RPL36A: variants seen among roughly 807,000 people sequenced by gnomAD.
RPL36A encodes the protein large ribosomal subunit protein eL42.
For synonymous variants in RPL36A, 25 were observed against 28.5 expected, an observed-to-expected ratio of 0.88 and a Z score of 0.39; for missense variants, 20 against 81.0, an observed-to-expected ratio of 0.25 and a Z score of 2.89.
In RPL36A at chrX:101,396,025, A is replaced by G; in HGVS notation, c.*277A>G. The G allele has an allele frequency of 3.0e-6, 1 of 330,064 alleles. No individual in the cohort carries two copies. 27.2% of individuals were successfully genotyped at this position (330,064 alleles called of 1,213,427 possible). ...TGGTTATTGGTTATCATGTGAGTAGACACATTTCAGGCTAATAGGGAGAAG... is the reference window on the plus strand; with the variant it reads ...TGGTTATTGGTTATCATGTGAGTAGGCACATTTCAGGCTAATAGGGAGAAG... On this transcript the variant is annotated 3_prime_UTR_variant, in exon 5 of 5. Coordinates refer to ENST00000553110, the MANE Select transcript of RPL36A (RefSeq NM_021029.6).
At position 101,395,929 on chromosome X, in the gene RPL36A, CA is replaced by C; in HGVS notation, c.*182del. On this transcript the variant is annotated 3_prime_UTR_variant, in exon 5 of 5. Coordinates refer to ENST00000553110, the MANE Select transcript of RPL36A (RefSeq NM_021029.6). Reference sequence around the variant, plus strand: ...TGAAGCTGACTGGTTGAGTTCACATCATATGTTGCAATTTTCTAATTTGGCA... The same window carrying C: ...TGAAGCTGACTGGTTGAGTTCACATCTATGTTGCAATTTTCTAATTTGGCA... 1 of 437,478 alleles carries C rather than the reference CA, an allele frequency of 2.3e-6. No homozygotes were observed. Among genetic ancestry groups the C allele is most frequent in the East Asian group, 3.8e-5 (1 of 26,075 alleles). The allele number at this position is 437,478 out of a possible 1,213,427, so 36.1% of individuals were successfully genotyped here.
At chrX:101,392,525 T>A (rs782791862) in intron 3 of RPL36A, 4 of 754,179 alleles carry the variant, frequency 5.3e-6, no homozygotes, top group East Asian at 3.0e-4. Flanking sequence ...ATGCTTTTTT[T>A]ATACCTTTTC....
At chrX:101,391,957 G>A (rs919766803) in intron 3 of RPL36A, 135 bp downstream of exon 3, 71 of 1,181,691 alleles carry the variant, frequency 6.0e-5, no homozygotes, top group Non-Finnish European at 7.6e-5. Context: ...ATATCTAGTA[G>A]GTGATGGAGC....
Position 101,396,011 on chromosome X carries a change from TATC to T in RPL36A, c.*266_*268del, listed in dbSNP as rs782290979. On this transcript the variant is annotated 3_prime_UTR_variant, in exon 5 of 5. Coordinates refer to ENST00000553110, the MANE Select transcript of RPL36A (RefSeq NM_021029.6). ...TTGTCATTATGCAATGGTTATTGGT[TATC>T]ATGTGAGTAGACACATTTCAGGCTA... The T allele has an allele frequency of 2.9e-3, 996 of 347,685 alleles. 7 individuals carry two copies. The highest frequency in any genetic ancestry group is 0.019 in the Middle Eastern group (24 of 1,259). The allele number at this position is 347,685 out of a possible 1,213,427, so 28.7% of individuals were successfully genotyped here.
chrX:101,393,333 A>G (rs782670043), intron 3 of RPL36A: 1 of 111,045 alleles, frequency 9.0e-6, no homozygotes, highest in African/African-American at 3.3e-5. Flanking sequence ...GAGTAGAAGG[A>G]TGGTTACCAG....
chrX:101,392,160 G>A (rs1053927510), intron 3 of RPL36A: 37 of 1,029,131 alleles, frequency 3.6e-5, no homozygotes, highest in Non-Finnish European at 4.7e-5. Context: ...CTGAATCCTC[G>A]CTTGTTGGTT....
Sources: allele counts gnomAD v4.1 joint callset, GRCh38; gene constraint gnomAD v4.1.1; transcripts MANE v1.5; gene names NCBI Gene and HGNC (gene_info 2026-07-23, HGNC 2026-07-21).